PIK3CD: variants seen among roughly 807,000 people sequenced by gnomAD.
PIK3CD encodes the protein phosphatidylinositol 4,5-bisphosphate 3-kinase catalytic subunit delta isoform.
A neutral mutation model predicts 122.9 loss-of-function variants in PIK3CD; 20 were observed. The ratio of observed to expected loss-of-function variants is 0.16; its 90% CI spans 0.11 to 0.24. The LOEUF (loss-of-function observed/expected upper bound fraction) is 0.24. Ranked by LOEUF, PIK3CD falls within the 10% of genes least tolerant of loss-of-function variation. The pLI is 1.00. For missense variants in PIK3CD, 787 were observed against 1,406.3 expected (o/e 0.56, Z 7.04); for synonymous variants, 596 against 593.4 (o/e 1.00, Z -0.06).
chr1:9,633,102 C>T, the PIK3CD span, among the ~76,000 whole-genome samples: 1 of 152,034 alleles, frequency 6.6e-6, no homozygotes, highest in South Asian at 2.1e-4. Flanking sequence ...ACCTCGTGAT[C>T]CGCCCGCCTC....
intron 1 of PIK3CD, among the ~76,000 whole-genome samples, chr1:9,684,934 A>G (rs1645912376): frequency 6.6e-6 from 1 of 150,958 alleles, no homozygotes; most frequent in African/African-American, 2.4e-5. Flanking sequence ...TTATATCCCC[A>G]ACCCCTCAAC....
rs965258773 is a variant in PIK3CD at position 9,716,720 on chromosome 1, C to T, written c.780+101C>T. 46 of 1,319,946 alleles carry T rather than the reference C, an allele frequency of 3.5e-5. No individual in the cohort carries two copies. In the East Asian group the frequency reaches 5.3e-4, roughly 15 times the overall value. The allele number at this position is 1,319,946 out of a possible 1,614,324, so 81.8% of individuals were successfully genotyped here. The stretch of plus-strand genomic sequence containing the variant: ...ACATTTGGGCGCACCTTGAGCCTGC[C>T]GAGCCAGGCCTTTGGGTCACCGCCA... On this transcript the variant is annotated intron_variant, in intron 6 of 23. Coordinates refer to ENST00000377346, the MANE Select transcript of PIK3CD (RefSeq NM_005026.5).
At chr1:9,690,368 TG>T (rs1209133323) in intron 1 of PIK3CD, among the ~76,000 whole-genome samples, 1 of 152,244 alleles carries the variant, frequency 6.6e-6, no homozygotes, top group Non-Finnish European at 1.5e-5. Flanking sequence ...CTTTTGGCTT[TG>T]TTTTTCCTGT....
At chr1:9,677,327 A>G (rs1446363894) in intron 1 of PIK3CD, among the ~76,000 whole-genome samples, 1 of 152,126 alleles carries the variant, frequency 6.6e-6, no homozygotes, top group Non-Finnish European at 1.5e-5. Context: ...TGTAGTTTTA[A>G]GAGATATTAT....
the PIK3CD span, among the ~76,000 whole-genome samples, chr1:9,637,365 A>G: frequency 6.6e-6 from 1 of 152,170 alleles, no homozygotes; most frequent in East Asian, 1.9e-4. Context: ...CTCCATCTCT[A>G]CAACATTACA....
Position 9,727,233 on chromosome 1 carries a change from C to G in PIK3CD, c.*187C>G. ...GTTTAAGGAGCTAAACAGCCATAAA[C>G]GGAAACGCCTCCTTCATGCAGCGGC... On this transcript the variant is annotated 3_prime_UTR_variant, in exon 24 of 24. Coordinates refer to ENST00000377346, the MANE Select transcript of PIK3CD (RefSeq NM_005026.5). The G allele has an allele frequency of 1.4e-6, 1 of 695,084 alleles. No individual in the cohort carries two copies. Among genetic ancestry groups the G allele is most frequent in the Non-Finnish European group, 2.4e-6 (1 of 409,796 alleles). 43.1% of individuals were successfully genotyped at this position (695,084 alleles called of 1,614,324 possible).
rs12564311 is a variant in PIK3CD, at chr1:9,686,713, C to T, written c.-137-4754C>T. On this transcript the variant is annotated intron_variant, in intron 1 of 23. Coordinates refer to ENST00000377346, the MANE Select transcript of PIK3CD (RefSeq NM_005026.5). Reference sequence around the variant, plus strand: ...TCCACTAAATGACTTTATTTATACTCTCACTTAATTTCAGAAAGGACTGAA... The same window carrying T: ...TCCACTAAATGACTTTATTTATACTTTCACTTAATTTCAGAAAGGACTGAA... Among the ~76,000 whole-genome samples the T allele has an allele frequency of 2.7e-3, 409 of 152,294 alleles. 16 individuals carry two copies. In the East Asian group the frequency reaches 0.062, roughly 23 times the overall value.
At chr1:9,632,939 G>A in the PIK3CD span, among the ~76,000 whole-genome samples, 1 of 148,460 alleles carries the variant, frequency 6.7e-6, no homozygotes, top group East Asian at 2.0e-4. Flanking sequence ...TCGGCTCACT[G>A]CAAGCTCCGT....
chr1:9,725,486 C>T (rs1467375550), intron 23 of PIK3CD, among the ~76,000 whole-genome samples: 1 of 151,880 alleles, frequency 6.6e-6, no homozygotes, highest in Non-Finnish European at 1.5e-5. Flanking sequence ...ACCCAGGAGG[C>T]GGAGGTTGCA....
the PIK3CD span, among the ~76,000 whole-genome samples, chr1:9,644,077 G>A: frequency 2.0e-5 from 3 of 152,242 alleles, no homozygotes; most frequent in Non-Finnish European, 4.4e-5. Flanking sequence ...CTTCTTATGG[G>A]CATGCGTGGG....
Position 9,721,822 on chromosome 1 carries a change from A to G in PIK3CD, c.2017A>G (p.Arg673Gly). Residue 673 changes from arginine to glycine, a missense_variant, in exon 16 of 24, where the codon AGG (arginine) becomes GGG (glycine). This residue lies in a region of PIK3CD where 592 missense variants were observed against 920.6 expected (regional missense o/e 0.64). Coordinates refer to ENST00000377346, the MANE Select transcript of PIK3CD (RefSeq NM_005026.5). ...RFGLILEAYC[R>G]GSTHHMKVLM... ...CGGCCTCATCCTGGAGGCCTACTGC[A>G]GGGGCAGCACCCACCACATGAAGGT... The G allele has an allele frequency of 6.2e-7, 1 of 1,613,174 alleles. No homozygotes were observed. The highest frequency in any genetic ancestry group is 8.5e-7 in the Non-Finnish European group (1 of 1,179,938).
At chr1:9,716,287 C>A in intron 5 of PIK3CD, 153 bp from the exon 6 acceptor site, 2 of 841,364 alleles carry the variant, frequency 2.4e-6, no homozygotes, top group Non-Finnish European at 3.9e-6. Flanking sequence ...GGGCATTGGG[C>A]ATCAGTTTGT....
chr1:9,661,240 C>G (rs1023982481), intron 1 of PIK3CD, among the ~76,000 whole-genome samples: 3 of 151,594 alleles, frequency 2.0e-5, no homozygotes, highest in Non-Finnish European at 4.4e-5. Flanking sequence ...CGGCCACGCC[C>G]AGCTAATTTT....
At position 9,715,149 on chromosome 1, in the gene PIK3CD, C is replaced by T. The variant is rs1477011868; in HGVS notation, c.142-392C>T. Among the ~76,000 whole-genome samples, 1 of 152,166 alleles carries T rather than the reference C, an allele frequency of 6.6e-6. No individual in the cohort carries two copies. Among genetic ancestry groups the T allele is most frequent in the African/African-American group, 2.4e-5 (1 of 41,430 alleles). ...CCAGGATTGCGCCACTGCACTCCAA[C>T]CTGGGCGACAGAGTGGGACTCCATC... On this transcript the variant is annotated intron_variant, in intron 3 of 23. Transcript: ENST00000377346. This position sits in a 1 kb window ranked among gnomAD's most constrained non-coding sequence, Gnocchi z 4.1.
chr1:9,711,602 C>G (rs941105543), intron 3 of PIK3CD, among the ~76,000 whole-genome samples: 1 of 151,786 alleles, frequency 6.6e-6, no homozygotes, highest in Non-Finnish European at 1.5e-5. Context: ...GAGATGGGGT[C>G]TCACTCTGTT....
intron 1 of PIK3CD, among the ~76,000 whole-genome samples, chr1:9,671,647 T>C (rs1366871572): frequency 6.6e-6 from 1 of 152,170 alleles, no homozygotes; most frequent in Non-Finnish European, 1.5e-5. Context: ...CATTTTGCTA[T>C]GTTGCCCAGG....
intron 13 of PIK3CD, 107 bp from the exon 14 acceptor site, chr1:9,721,020 C>T: frequency 7.0e-7 from 1 of 1,436,088 alleles, no homozygotes; most frequent in South Asian, 1.2e-5. Flanking sequence ...AACCTTCACC[C>T]TGACCCTGGC....
the PIK3CD span, among the ~76,000 whole-genome samples, chr1:9,629,962 G>A: frequency 1.3e-5 from 2 of 152,250 alleles, no homozygotes; most frequent in Admixed American, 1.3e-4. Context: ...TGGGAAGGAA[G>A]CCCGGGGGTC....
In PIK3CD at chr1:9,710,808, G is replaced by A. The variant is rs551924278; in HGVS notation, c.141+212G>A. ...TTTGTTTGTTTGTTTGTTTTGAGAC[G>A]GAGTTTCGCTCTTATTGCCCAGGCT... On this transcript the variant is annotated intron_variant, in intron 3 of 23. Transcript: ENST00000377346. The surrounding 1 kb of genome is among the most constrained non-coding windows in gnomAD (Gnocchi z 4.7). Among the ~76,000 whole-genome samples, 6 of 151,990 alleles carry A rather than the reference G, an allele frequency of 3.9e-5. No individual in the cohort carries two copies. Among genetic ancestry groups the A allele is most frequent in the Non-Finnish European group, 5.9e-5 (4 of 68,024 alleles).
Sources: allele counts gnomAD v4.1 joint callset (sites outside exome capture counted in the v4.1 genomes callset), GRCh38; gene constraint gnomAD v4.1.1; regional missense constraint gnomAD v4.1.1; non-coding constraint Gnocchi (gnomAD v3.1); transcripts MANE v1.5; gene names NCBI Gene and HGNC (gene_info 2026-07-23, HGNC 2026-07-21).